The following PNPLA2 variants were observed in gnomAD, a reference collection of about 807,000 sequenced individuals.
PNPLA2 encodes the protein patatin like domain 2, triacylglycerol lipase.
In PNPLA2, 28 loss-of-function variants were observed where a neutral mutation model predicts 39.7. The ratio of observed to expected loss-of-function variants is 0.70; its 90% CI spans 0.52 to 0.97. PNPLA2 has a LOEUF of 0.97. PNPLA2 is among the 50% of genes least tolerant of loss of function. The pLI is 0.00. For synonymous variants in PNPLA2, 392 were observed against 321.1 expected (o/e 1.22, Z -2.36); for missense variants, 768 against 698.2 (o/e 1.10, Z -1.13).
chr11:819,356 T>TGCCCCCAGCCGTGC (rs1845589916), intron 1 of PNPLA2: 1 of 957,600 alleles, frequency 1.0e-6, no homozygotes, highest in South Asian at 4.8e-5. Flanking sequence ...CCTAGGCGTG[T>TGCCCCCAGCCGTGC]GCCCCCAGCC....
rs1295890527 is a variant in PNPLA2 at position 819,729 on chromosome 11, G to A, written c.11G>A (p.Arg4His). ...GCGGCCGCCGCCGCGATGTTTCCCC[G>A]CGAGAAGACGTGGAACATCTCGTTC... MFP[R>H]EKTWNISFAG... Residue 4 changes from arginine (R) to histidine (H), a missense_variant, in exon 2 of 10, where the codon CGC becomes CAC. By Grantham distance (29) the Arg-to-His change is conservative (BLOSUM62 0). Transcript: ENST00000336615. 2.7e-6 allele frequency: 4 copies of A among 1,491,788 alleles called. No individual in the cohort carries two copies. The highest frequency in any genetic ancestry group is 3.6e-6 in the Non-Finnish European group (4 of 1,120,578). The allele number at this position is 1,491,788 out of a possible 1,614,324, so 92.4% of individuals were successfully genotyped here.
rs909130350 is a variant in PNPLA2, at chr11:825,211, C to T, written c.*349C>T. 22 of 393,806 alleles carry T rather than the reference C, an allele frequency of 5.6e-5. No individual in the cohort carries two copies. Among genetic ancestry groups the T allele is most frequent in the Non-Finnish European group, 8.9e-5 (19 of 212,798 alleles). 24.4% of individuals were successfully genotyped at this position (393,806 alleles called of 1,614,324 possible). ...GCCAAAGCACATGTAATAAATGCTG[C>T]AGCCCAGCCTCTGCCCACTTTGTGT... On this transcript the variant is annotated 3_prime_UTR_variant, in exon 10 of 10. Coordinates refer to ENST00000336615, the MANE Select transcript of PNPLA2 (RefSeq NM_020376.4).
intron 2 of PNPLA2, 113 bp from the exon 3 acceptor site, chr11:821,515 T>TGC (rs1845663133): frequency 1.6e-5 from 13 of 788,060 alleles, no homozygotes; most frequent in Non-Finnish European, 2.2e-6. Flanking sequence ...CCACATTCAC[T>TGC]GGGCCTCCTC....
rs758138538 is a variant in PNPLA2 at position 823,517 on chromosome 11, C to T, written c.697-10C>T. On this transcript the variant is annotated splice_polypyrimidine_tract_variant and intron_variant, in intron 5 of 9. Coordinates refer to ENST00000336615, the MANE Select transcript of PNPLA2 (RefSeq NM_020376.4). ...GCTCCCTCCGCTCCATTTAACCCTC[C>T]TCACTGCAGGTGCTGCGAGAGATGT... is the stretch of plus-strand genomic sequence containing the variant. 5 of 1,605,024 alleles carry T rather than the reference C, an allele frequency of 3.1e-6. No homozygotes were observed. The highest frequency in any genetic ancestry group is 2.7e-5 in the African/African-American group (2 of 74,658).
rs1845845464 is a variant in PNPLA2, at chr11:825,065, C to T, written c.*203C>T. 2 of 616,310 alleles carry T rather than the reference C, an allele frequency of 3.2e-6. No individual in the cohort carries two copies. The highest frequency in any genetic ancestry group is 1.9e-5 in the South Asian group (1 of 53,916). The allele number at this position is 616,310 out of a possible 1,614,324, so 38.2% of individuals were successfully genotyped here. On this transcript the variant is annotated 3_prime_UTR_variant, in exon 10 of 10. Transcript: ENST00000336615. ...CCCGCGCACCTGTGCCTTAATCTTC[C>T]CTCCCCTGTGCTGCCCGAGCACCTC...
In PNPLA2 at chr11:819,923, C is replaced by A. The variant is rs566043077; in HGVS notation, c.187+18C>A. ...CTGCCTGGGTGAGCGGGGCCGGGGG[C>A]GGCAGGCGGGGGGCTGGCGGGAAGG... On this transcript the variant is annotated intron_variant, in intron 2 of 9. Coordinates refer to ENST00000336615, the MANE Select transcript of PNPLA2 (RefSeq NM_020376.4). 94 of 1,318,326 alleles carry A rather than the reference C, an allele frequency of 7.1e-5. No individual in the cohort carries two copies. In the East Asian group the frequency reaches 2.7e-3, roughly 38 times the overall value. The allele number at this position is 1,318,326 out of a possible 1,614,324, so 81.7% of individuals were successfully genotyped here.
chr11:819,572 AG>A lies in PNPLA2; in HGVS notation c.-145-1del. 1 of 1,286,626 alleles carries A rather than the reference AG, an allele frequency of 7.8e-7. No individual in the cohort carries two copies. The allele number at this position is 1,286,626 out of a possible 1,614,324, so 79.7% of individuals were successfully genotyped here. On this transcript the variant is annotated splice_acceptor_variant, in intron 1 of 9. Coordinates refer to ENST00000336615, the MANE Select transcript of PNPLA2 (RefSeq NM_020376.4). LOFTEE classifies it low-confidence loss of function (5UTR_SPLICE). The stretch of plus-strand genomic sequence containing the variant: ...AGCGCCGCCTCCGCGCCGCCCGCGT[AG>A]CTTCTTCGCCTCCGCCAGCGGGGAC...
rs1397860925 is a variant in PNPLA2, at chr11:821,924, G to A, written c.421-34G>A. 3 of 1,612,812 alleles carry A rather than the reference G, an allele frequency of 1.9e-6. No homozygotes were observed. In the Admixed American group the frequency reaches 5.0e-5, roughly 27 times the overall value. On this transcript the variant is annotated intron_variant, in intron 3 of 9. Transcript: ENST00000336615. ...GGGCAGTGGGAACCTCAAGGCCTCT[G>A]CTCATTCTCTCCCACTCTGTCCCTG...
rs1845794150 is a variant in PNPLA2 at position 824,351 on chromosome 11, CGGTGGA to C, written c.1091_1096del (p.Arg364_Met366delinsLeu). 6.4e-7 allele frequency: 1 copy of C among 1,551,222 alleles called. No homozygotes were observed. Among genetic ancestry groups the C allele is most frequent in the African/African-American group, 1.4e-5 (1 of 73,186 alleles). ...GCTGCCCGACGTTCCCGAGGACATC[CGGTGGA>C]TGAAGGAGCAGACGGGCAGCATCTG... On this transcript the variant is annotated inframe_deletion, in exon 9 of 10. Transcript: ENST00000336615.
rs1445248893 is a variant in PNPLA2, at chr11:819,908, G to C, written c.187+3G>C. On this transcript the variant is annotated splice_donor_region_variant and intron_variant, in intron 2 of 9. Coordinates refer to ENST00000336615, the MANE Select transcript of PNPLA2 (RefSeq NM_020376.4). ...GCTGGTCACCGGGGTCTGCCTGGGTGAGCGGGGCCGGGGGCGGCAGGCGGG... is the reference window on the plus strand; with the variant it reads ...GCTGGTCACCGGGGTCTGCCTGGGTCAGCGGGGCCGGGGGCGGCAGGCGGG... 1 of 1,366,670 alleles carries C rather than the reference G, an allele frequency of 7.3e-7. No homozygotes were observed. Among genetic ancestry groups the C allele is most frequent in the African/African-American group, 1.5e-5 (1 of 65,514 alleles). The allele number at this position is 1,366,670 out of a possible 1,614,324, so 84.7% of individuals were successfully genotyped here.
intron 5 of PNPLA2, among the ~76,000 whole-genome samples, chr11:822,820 CTTTTTTT>C (rs528124756): frequency 3.8e-5 from 5 of 131,454 alleles, no homozygotes; most frequent in Admixed American, 7.9e-5. Context: ...GTCTCTCTCT[CTTTTTTT>C]TTTTTTTTTT....
At position 821,809 on chromosome 11, in the gene PNPLA2, C is replaced by T. The variant is rs142174851; in HGVS notation, c.369C>T (p.Asp123=). 6.5e-4 allele frequency: 1,053 copies of T among 1,613,964 alleles called. 2 individuals carry two copies. Among genetic ancestry groups the T allele is most frequent in the Admixed American group, 2.4e-3 (143 of 60,024 alleles). Residue 123 remains aspartate, a synonymous_variant, in exon 3 of 10, where the codon GAC becomes GAT. Coordinates refer to ENST00000336615, the MANE Select transcript of PNPLA2 (RefSeq NM_020376.4). Reference sequence around the variant, plus strand: ...GCATCTCCCTGACCCGCGTGTCAGACGGCGAGAATGTCATTATATCCCACT... The same window carrying T: ...GCATCTCCCTGACCCGCGTGTCAGATGGCGAGAATGTCATTATATCCCACT... ...RLGISLTRVS[D]GENVIISHFN... is the part of the protein sequence containing the mutation.
In PNPLA2 at chr11:819,564, GC is replaced by G; in HGVS notation, c.-145-7del. ...CACTTAAAAGCGCCGCCTCCGCGCC[GC>G]CCGCGTAGCTTCTTCGCCTCCGCCA... On this transcript the variant is annotated splice_polypyrimidine_tract_variant and intron_variant, in intron 1 of 9. Transcript: ENST00000336615. The G allele has an allele frequency of 3.1e-6, 4 of 1,288,692 alleles. No homozygotes were observed. Among genetic ancestry groups the G allele is most frequent in the Non-Finnish European group, 3.9e-6 (4 of 1,015,546 alleles). The allele number at this position is 1,288,692 out of a possible 1,614,324, so 79.8% of individuals were successfully genotyped here.
chr11:824,121 TCAC>T lies in PNPLA2; in HGVS notation c.1046_1048del (p.Thr349del). Reference sequence around the variant, plus strand: ...CTGCCGCTGGAGAGCGCTCTGTCCTTCACCATCCGGTGTGAGGGCTGGGGGGTC... The same window carrying T: ...CTGCCGCTGGAGAGCGCTCTGTCCTTCATCCGGTGTGAGGGCTGGGGGGTC... On this transcript the variant is annotated inframe_deletion, in exon 8 of 10. Coordinates refer to ENST00000336615, the MANE Select transcript of PNPLA2 (RefSeq NM_020376.4). 1 of 1,597,692 alleles carries T rather than the reference TCAC, an allele frequency of 6.3e-7. No homozygotes were observed. Among genetic ancestry groups the T allele is most frequent in the Non-Finnish European group, 8.5e-7 (1 of 1,173,688 alleles).
intron 8 of PNPLA2, 51 bp from the exon 9 acceptor site, chr11:824,263 G>A (rs1229813789): frequency 6.5e-7 from 1 of 1,548,880 alleles, no homozygotes; most frequent in Non-Finnish European, 8.7e-7. Flanking sequence ...CCGGCGGGTG[G>A]GCATGTGGGT....
chr11:825,393 C>G lies in PNPLA2; in HGVS notation c.*531C>G. 1 of 203,960 alleles carries G rather than the reference C, an allele frequency of 4.9e-6. No homozygotes were observed. The allele number at this position is 203,960 out of a possible 1,614,324, so 12.6% of individuals were successfully genotyped here. A position where few individuals can be genotyped will look rare whatever the true frequency, so the allele number is the denominator to read the frequency against. ...CTGCCAGGCTGGCCTGGGAACACCCCCCTACAGGCACATATGAACGTACTG... is the reference window on the plus strand; with the variant it reads ...CTGCCAGGCTGGCCTGGGAACACCCGCCTACAGGCACATATGAACGTACTG... On this transcript the variant is annotated 3_prime_UTR_variant, in exon 10 of 10. Transcript: ENST00000336615.
chr11:819,313 A>G, intron 1 of PNPLA2: 1 of 616,374 alleles, frequency 1.6e-6, no homozygotes, highest in Non-Finnish European at 2.0e-6. Context: ...TCCGGCCCCC[A>G]GGCTCGGGCC....
chr11:821,829 C>T lies in PNPLA2; in HGVS notation c.389C>T (p.Ser130Phe). 1.2e-6 allele frequency: 2 copies of T among 1,613,912 alleles called. No homozygotes were observed. Among genetic ancestry groups the T allele is most frequent in the Non-Finnish European group, 1.7e-6 (2 of 1,179,984 alleles). ...TCAGACGGCGAGAATGTCATTATAT[C>T]CCACTTCAACTCCAAGGACGAGCTC... ...RVSDGENVII[S>F]HFNSKDELIQ... Residue 130 changes from serine (S) to phenylalanine (F), a missense_variant, in exon 3 of 10, where the codon TCC becomes TTC. Ser to Phe is a radical substitution (Grantham distance 155). Coordinates refer to ENST00000336615, the MANE Select transcript of PNPLA2 (RefSeq NM_020376.4).
intron 8 of PNPLA2, 75 bp downstream of exon 8, chr11:824,205 G>A: frequency 6.5e-7 from 1 of 1,549,724 alleles, no homozygotes; most frequent in East Asian, 2.4e-5. Flanking sequence ...TGGTTACCAG[G>A]GAAGGTGGGG....
Sources: allele counts gnomAD v4.1 joint callset (sites outside exome capture counted in the v4.1 genomes callset), GRCh38; gene constraint gnomAD v4.1.1; transcripts MANE v1.5; gene names NCBI Gene and HGNC (gene_info 2026-07-23, HGNC 2026-07-21).